Variants in THSD4 observed in about 807,000 individuals in gnomAD.
The protein encoded by THSD4 is thrombospondin type-1 domain-containing protein 4.
In THSD4, 69 loss-of-function variants were observed where a neutral mutation model predicts 119.0. The ratio of observed to expected loss-of-function variants is 0.58; its 90% CI spans 0.48 to 0.71. The LOEUF is 0.71. Ranked by LOEUF, THSD4 falls within the 30% of genes least tolerant of loss-of-function variation. The pLI is 0.00. For synonymous variants in THSD4, 524 were observed against 540.4 expected (o/e 0.97, Z 0.42); for missense variants, 1,393 against 1,391.1 (o/e 1.00, Z -0.02).
intron 7 of THSD4, among the ~76,000 whole-genome samples, chr15:71,575,698 G>A (rs1423310976): frequency 2.0e-5 from 3 of 152,120 alleles, no homozygotes; most frequent in Admixed American, 6.6e-5. Flanking sequence ...CTCTAAAGTG[G>A]AGCTGCTAGT....
intron 14 of THSD4, among the ~76,000 whole-genome samples, chr15:71,757,208 G>A (rs2053554337): frequency 6.6e-6 from 1 of 152,082 alleles, no homozygotes; most frequent in South Asian, 2.1e-4. Flanking sequence ...GATGTACCTG[G>A]TTCCAAAGCC....
intron 7 of THSD4, among the ~76,000 whole-genome samples, chr15:71,633,315 G>T (rs529341878): frequency 4.4e-4 from 49 of 110,482 alleles, no homozygotes; most frequent in Non-Finnish European, 7.5e-4. Context: ...TCACTCTGTT[G>T]CCCAGGCTGA....
At chr15:71,546,148 GCTCACCAGGGTTAAATA>G (rs977694411) in intron 7 of THSD4, among the ~76,000 whole-genome samples, 4 of 147,982 alleles carry the variant, frequency 2.7e-5, no homozygotes, top group African/African-American at 1.1e-4. Context: ...GGAGACTAGG[GCTCACCAGGGTTAAATA>G]CTCACCCAGA....
rs774505206 is a variant in THSD4 at position 71,242,926 on chromosome 15, A to G, written c.742A>G (p.Thr248Ala). 6.2e-7 allele frequency: 1 copy of G among 1,614,064 alleles called. No individual in the cohort carries two copies. Residue 248 changes from threonine (T) to alanine (A), a missense_variant, in exon 5 of 18, where the codon ACC becomes GCC. Physicochemically the swap from Thr to Ala is moderately conservative, Grantham distance 58. Coordinates refer to ENST00000261862, the MANE Select transcript of THSD4 (RefSeq NM_024817.3). ...GGCCCCCATCTACCAGCTACCTTTG[A>G]CCCATGATCAAGGCTACCCTGCAGC... ...AEAPIYQLPL[T>A]HDQGYPAASS...
intron 3 of THSD4, among the ~76,000 whole-genome samples, chr15:71,187,920 A>G (rs1378696054): frequency 6.6e-6 from 1 of 152,178 alleles, no homozygotes; most frequent in Non-Finnish European, 1.5e-5. Flanking sequence ...AGGGATATAA[A>G]CAGACTTAAG....
At chr15:71,344,545 C>T (rs1451742796) in intron 6 of THSD4, among the ~76,000 whole-genome samples, 1 of 152,130 alleles carries the variant, frequency 6.6e-6, no homozygotes, top group Non-Finnish European at 1.5e-5. Flanking sequence ...TGGCTGGGTG[C>T]CTGTTCCACA....
At chr15:71,256,540 A>C (rs2044319091) in intron 5 of THSD4, 73 bp from the exon 6 acceptor site, 1 of 1,144,554 alleles carries the variant, frequency 8.7e-7, no homozygotes, top group African/African-American at 1.6e-5. Context: ...AAAGGTATCC[A>C]GGGTTTGGAA....
Position 71,780,777 on chromosome 15 carries a change from T to A in THSD4, c.*3403T>A. 2.2e-6 allele frequency: 1 copy of A among 455,964 alleles called. No individual in the cohort carries two copies. The highest frequency in any genetic ancestry group is 1.6e-5 in the South Asian group (1 of 64,514). The allele number at this position is 455,964 out of a possible 1,614,324, so 28.2% of individuals were successfully genotyped here. On this transcript the variant is annotated 3_prime_UTR_variant, in exon 18 of 18. Coordinates refer to ENST00000261862, the MANE Select transcript of THSD4 (RefSeq NM_024817.3). ...AGGGTTTTTTCTTTATTTTCTTATG[T>A]ACTCATCTACTTATTCTCAAAGTAT...
chr15:71,571,177 C>T (rs1389471715), intron 7 of THSD4, among the ~76,000 whole-genome samples: 1 of 151,924 alleles, frequency 6.6e-6, no homozygotes, highest in Non-Finnish European at 1.5e-5. Context: ...TGGAAAGCAC[C>T]AGAAGTTGGA....
At chr15:71,256,311 C>CA (rs2044315730) in intron 5 of THSD4, among the ~76,000 whole-genome samples, 1 of 151,554 alleles carries the variant, frequency 6.6e-6, no homozygotes, top group South Asian at 2.1e-4. Context: ...CCCATCGCTA[C>CA]AAAAAATACA....
intron 6 of THSD4, among the ~76,000 whole-genome samples, chr15:71,332,750 G>A (rs1380581291): frequency 2.6e-5 from 4 of 151,896 alleles, no homozygotes; most frequent in South Asian, 2.1e-4. Context: ...GAGAGTACTC[G>A]CCAAATATTT....
intron 8 of THSD4, among the ~76,000 whole-genome samples, chr15:71,700,046 C>G (rs549153202): frequency 1.3e-5 from 2 of 151,922 alleles, no homozygotes; most frequent in Non-Finnish European, 2.9e-5. Flanking sequence ...AATCCTATTT[C>G]GAGGAAAAGA....
Position 71,262,053 on chromosome 15 carries a change from G to A in THSD4, c.1015+5338G>A, listed in dbSNP as rs185501678. Among the ~76,000 whole-genome samples, 245 of 152,136 alleles carry A rather than the reference G, an allele frequency of 1.6e-3. 1 individual carries two copies. Among genetic ancestry groups the A allele is most frequent in the African/African-American group, 5.2e-3 (215 of 41,498 alleles). ...GGGCTTTACGGCTGGATTTTGCATC[G>A]GGCTCTTGGTTTTGTTTGGATGTCT... On this transcript the variant is annotated intron_variant, in intron 6 of 17. Transcript: ENST00000261862.
At chr15:71,154,998 C>A in intron 3 of THSD4, 66 bp downstream of exon 3, 1 of 1,510,926 alleles carries the variant, frequency 6.6e-7, no homozygotes, top group Non-Finnish European at 9.2e-7. Flanking sequence ...TGGTCACTGC[C>A]CTGAACTTTG....
At position 71,205,736 on chromosome 15, in the gene THSD4, T is replaced by G. The variant is rs531127320; in HGVS notation, c.100-9299T>G. Among the ~76,000 whole-genome samples the G allele has an allele frequency of 5.9e-5, 9 of 152,276 alleles. No individual in the cohort carries two copies. The South Asian group carries it at 1.7e-3, about 28-fold the overall frequency. On this transcript the variant is annotated intron_variant, in intron 3 of 17. Transcript: ENST00000261862. ...AACACGAATGCTGAAAGGTAAAATT[T>G]GGGGCCTTTTGCAATGTGTCATGTC...
rs146310823 is a variant in THSD4 at position 71,260,236 on chromosome 15, C to T, written c.1015+3521C>T. Reference sequence around the variant, plus strand: ...CTACTTTTTCTGTTATTTTTTTCCCCTCTGATTTGTGCTAGACTTTAAGAC... The same window carrying T: ...CTACTTTTTCTGTTATTTTTTTCCCTTCTGATTTGTGCTAGACTTTAAGAC... On this transcript the variant is annotated intron_variant, in intron 6 of 17. Coordinates refer to ENST00000261862, the MANE Select transcript of THSD4 (RefSeq NM_024817.3). 6.3e-3 allele frequency among the ~76,000 whole-genome samples: 954 copies of T among 152,216 alleles called. 5 individuals are homozygous for T. The highest frequency in any genetic ancestry group is 0.017 in the South Asian group (83 of 4,808).
intron 6 of THSD4, among the ~76,000 whole-genome samples, chr15:71,286,839 G>C (rs985122047): frequency 3.3e-5 from 5 of 152,078 alleles, no homozygotes; most frequent in African/African-American, 1.2e-4. Flanking sequence ...TTTGATAATA[G>C]CCATTCTGAC....
intron 7 of THSD4, among the ~76,000 whole-genome samples, chr15:71,439,156 T>C (rs558418788): frequency 7.9e-5 from 12 of 152,356 alleles, no homozygotes; most frequent in Non-Finnish European, 1.6e-4. Context: ...ACTGCTCCCA[T>C]AGGCGGCTCT....
intron 8 of THSD4, among the ~76,000 whole-genome samples, chr15:71,699,007 G>A (rs2052227596): frequency 6.6e-6 from 1 of 152,028 alleles, no homozygotes; most frequent in African/African-American, 2.4e-5. Flanking sequence ...ACAGTATAGG[G>A]CTTACAGTTA....
Sources: allele counts gnomAD v4.1 joint callset (sites outside exome capture counted in the v4.1 genomes callset), GRCh38; gene constraint gnomAD v4.1.1; transcripts MANE v1.5; gene names NCBI Gene and HGNC (gene_info 2026-07-23, HGNC 2026-07-21).